The following SLC11A2 variants were observed in gnomAD, a reference collection of about 807,000 sequenced individuals.
The protein encoded by SLC11A2 is solute carrier family 11 member 2.
Under a neutral mutation model 68.0 loss-of-function variants are expected in SLC11A2, and 38 were observed. The ratio of observed to expected loss-of-function variants is 0.56; its 90% CI spans 0.43 to 0.73. SLC11A2 has a LOEUF of 0.73. Ranked by LOEUF, SLC11A2 falls within the 30% of genes least tolerant of loss-of-function variation. The pLI is 0.00. For synonymous variants in SLC11A2, 242 were observed against 250.6 expected (o/e 0.97, Z 0.32); for missense variants, 517 against 690.5 (o/e 0.75, Z 2.82).
chr12:50,963,369 CAAAAAAA>C, the SLC11A2 span, among the ~76,000 whole-genome samples: 100 of 72,402 alleles, frequency 1.4e-3, no homozygotes, highest in Middle Eastern at 8.3e-3. Flanking sequence ...GACTCCATCT[CAAAAAAA>C]AAAAAAAAAA....
rs552921493 is a variant in SLC11A2, at chr12:51,012,602, C to G, written c.-38-1836G>C. ...CTGTTTCAGGTTTTGGGTAATCTTT[C>G]TATCTACCAACATATTCTGTACTTA... On this transcript the variant is annotated intron_variant, in intron 1 of 15. Coordinates refer to ENST00000262052, the MANE Select transcript of SLC11A2 (RefSeq NM_000617.3). Among the ~76,000 whole-genome samples, 311 of 152,290 alleles carry G rather than the reference C, an allele frequency of 2.0e-3. 1 individual carries two copies. The highest frequency in any genetic ancestry group is 2.6e-3 in the Admixed American group (40 of 15,300).
chr12:51,014,198 T>C (rs1210720177), intron 1 of SLC11A2: 1 of 152,380 alleles, frequency 6.6e-6, no homozygotes, highest in Admixed American at 6.5e-5. Context: ...GCTAATCTTC[T>C]CTTGATTGTT....
At position 51,008,246 on chromosome 12, in the gene SLC11A2, AT is replaced by A. The variant is rs1566020243; in HGVS notation, c.183+229del. ...GACAGATAGATAGATAGATAGATAGATAGATAGATAGATAGACGGACAGACA... is the reference window on the plus strand; with the variant it reads ...GACAGATAGATAGATAGATAGATAGAAGATAGATAGATAGACGGACAGACA... On this transcript the variant is annotated intron_variant, in intron 3 of 15. Coordinates refer to ENST00000262052, the MANE Select transcript of SLC11A2 (RefSeq NM_000617.3). 2.0e-3 allele frequency: 860 copies of A among 431,160 alleles called. 5 individuals are homozygous for A. The highest frequency in any genetic ancestry group is 6.1e-3 in the African/African-American group (297 of 48,796). 26.7% of individuals were successfully genotyped at this position (431,160 alleles called of 1,614,324 possible).
At chr12:50,995,487 G>A (rs1456149417) in intron 10 of SLC11A2, 142 bp downstream of exon 10, 1 of 874,822 alleles carries the variant, frequency 1.1e-6, no homozygotes, top group Non-Finnish European at 1.9e-6. Flanking sequence ...CTGGTGCACA[G>A]TGATTTTGGG....
the SLC11A2 span, chr12:50,970,506 AAGCTTACATGCTGG>A: frequency 6.6e-7 from 1 of 1,519,854 alleles, no homozygotes; most frequent in Non-Finnish European, 8.9e-7. Flanking sequence ...CCAAAAAATG[AAGCTTACATGCTGG>A]AAGCAAGAAA....
the SLC11A2 span, among the ~76,000 whole-genome samples, chr12:50,963,473 T>TGGA: frequency 1.3e-5 from 2 of 151,638 alleles, no homozygotes; most frequent in African/African-American, 4.9e-5. Flanking sequence ...CAGGACAGAC[T>TGGA]GGAACCCTTG....
intron 5 of SLC11A2, among the ~76,000 whole-genome samples, chr12:51,004,215 C>T (rs1315118027): frequency 6.6e-6 from 1 of 152,150 alleles, no homozygotes; most frequent in Non-Finnish European, 1.5e-5. Flanking sequence ...TTAAAAATAT[C>T]TTCCAGACAT....
the SLC11A2 span, among the ~76,000 whole-genome samples, chr12:50,961,777 C>T: frequency 6.6e-6 from 1 of 152,156 alleles, no homozygotes; most frequent in South Asian, 2.1e-4. Flanking sequence ...CTTAAGTCCC[C>T]TTCATGACGT....
chr12:51,005,266 G>C, intron 4 of SLC11A2, 45 bp downstream of exon 4: 1 of 1,603,620 alleles, frequency 6.2e-7, no homozygotes, highest in Non-Finnish European at 8.5e-7. Context: ...GGATGTGAGA[G>C]TGTATTATGT....
intron 15 of SLC11A2, 103 bp downstream of exon 15, chr12:50,990,692 G>A (rs189499347): frequency 9.9e-6 from 12 of 1,206,446 alleles, no homozygotes; most frequent in East Asian, 9.3e-5. Context: ...TTATAGGCAT[G>A]AGCCACTGTG....
chr12:50,997,006 A>G, intron 8 of SLC11A2, 34 bp from the exon 9 acceptor site: 1 of 1,592,596 alleles, frequency 6.3e-7, no homozygotes. Context: ...TAGCCTTTAC[A>G]GGAACGTGAA....
In SLC11A2 at chr12:50,987,757, A is replaced by G. The variant is rs766464377; in HGVS notation, c.*568T>C. 1.7e-5 allele frequency: 22 copies of G among 1,287,068 alleles called. No homozygotes were observed. Among genetic ancestry groups the G allele is most frequent in the Admixed American group, 4.6e-5 (2 of 43,524 alleles). 79.7% of individuals were successfully genotyped at this position (1,287,068 alleles called of 1,614,324 possible). On this transcript the variant is annotated 3_prime_UTR_variant, in exon 16 of 16. Coordinates refer to ENST00000262052, the MANE Select transcript of SLC11A2 (RefSeq NM_000617.3). ...CTTCCACTGAGAAATTAAAGTGGAA[A>G]TAAGTTCAAAGAATCCTAAGCCTGA...
chr12:50,998,631 C>T (rs1342663896), intron 8 of SLC11A2, among the ~76,000 whole-genome samples: 1 of 152,070 alleles, frequency 6.6e-6, no homozygotes, highest in Non-Finnish European at 1.5e-5. Context: ...GACCAGTAAG[C>T]AGAAATCAGT....
chr12:50,989,388 G>A (rs1482708248), intron 15 of SLC11A2, among the ~76,000 whole-genome samples: 2 of 152,214 alleles, frequency 1.3e-5, no homozygotes, highest in African/African-American at 4.8e-5. Flanking sequence ...CTACTCAGGA[G>A]GCTAAGGCAG....
In SLC11A2 at chr12:50,987,606, A is replaced by G. The variant is rs1168738323; in HGVS notation, c.*719T>C. On this transcript the variant is annotated 3_prime_UTR_variant, in exon 16 of 16. Coordinates refer to ENST00000262052, the MANE Select transcript of SLC11A2 (RefSeq NM_000617.3). ...GGCAGGTTATTAAGACTCCCAAGAAATCCTCATAAGCTTTTCAATCTGAGG... is the reference window on the plus strand; with the variant it reads ...GGCAGGTTATTAAGACTCCCAAGAAGTCCTCATAAGCTTTTCAATCTGAGG... 1.0e-5 allele frequency: 13 copies of G among 1,287,014 alleles called. No individual in the cohort carries two copies. The highest frequency in any genetic ancestry group is 1.3e-5 in the Non-Finnish European group (13 of 988,626). 79.7% of individuals were successfully genotyped at this position (1,287,014 alleles called of 1,614,324 possible). A position where few individuals can be genotyped will look rare whatever the true frequency, so the allele number is the denominator to read the frequency against.
intron 5 of SLC11A2, among the ~76,000 whole-genome samples, chr12:51,001,627 A>C (rs1428233951): frequency 6.6e-6 from 1 of 151,564 alleles, no homozygotes; most frequent in South Asian, 2.1e-4. Context: ...AAAAACCTTC[A>C]CATGTATCCA....
At chr12:51,012,972 G>A (rs1018208588) in intron 1 of SLC11A2, among the ~76,000 whole-genome samples, 1 of 152,154 alleles carries the variant, frequency 6.6e-6, no homozygotes, top group East Asian at 1.9e-4. Context: ...GCACAGCCCC[G>A]ACGTTCCCGG....
chr12:51,010,793 G>A, intron 1 of SLC11A2, 27 bp from the exon 2 acceptor site: 1 of 1,300,900 alleles, frequency 7.7e-7, no homozygotes, highest in Non-Finnish European at 1.1e-6. Context: ...TGAGGGAGAA[G>A]AATTAGGAAG....
chr12:50,958,215 T>A, the SLC11A2 span, among the ~76,000 whole-genome samples: 1 of 151,784 alleles, frequency 6.6e-6, no homozygotes, highest in Non-Finnish European at 1.5e-5. Context: ...AGGTTTTTGG[T>A]AGACATAGAC....
Sources: gnomAD v4.1 joint callset for allele counts (sites outside exome capture counted in the v4.1 genomes callset) on GRCh38, gnomAD v4.1.1 for gene constraint, MANE v1.5 for transcripts, NCBI Gene and HGNC (gene_info 2026-07-23, HGNC 2026-07-21) for gene names.